Variants in JAZF1 observed in about 807,000 individuals in gnomAD.
JAZF1 encodes juxtaposed with another zinc finger protein 1.
Under a neutral mutation model 26.4 loss-of-function variants are expected in JAZF1, and 8 were observed. That is an observed-to-expected ratio of 0.30 (90% CI 0.18 to 0.55). The LOEUF (loss-of-function observed/expected upper bound fraction) is 0.55. Ranked by LOEUF, JAZF1 falls within the 20% of genes least tolerant of loss-of-function variation. JAZF1 has a pLI of 0.94. For missense variants in JAZF1, 199 were observed against 322.0 expected (o/e 0.62, Z 2.92); for synonymous variants, 126 against 122.3 (o/e 1.03, Z -0.20).
At chr7:28,037,157 AAGC>A (rs1183159064) in intron 1 of JAZF1, among the ~76,000 whole-genome samples, 2 of 152,164 alleles carry the variant, frequency 1.3e-5, no homozygotes, top group Non-Finnish European at 2.9e-5. Context: ...GGAAAAGAAA[AAGC>A]AGCAAGACTA....
intron 1 of JAZF1, among the ~76,000 whole-genome samples, chr7:28,003,930 T>C (rs1782652874): frequency 6.6e-6 from 1 of 152,102 alleles, no homozygotes; most frequent in Non-Finnish European, 1.5e-5. Context: ...TAATCAATAA[T>C]GGATATTTAC....
At chr7:28,104,842 G>A (rs1199812284) in intron 1 of JAZF1, among the ~76,000 whole-genome samples, 1 of 152,212 alleles carries the variant, frequency 6.6e-6, no homozygotes, top group African/African-American at 2.4e-5. Context: ...TCACCGAAGA[G>A]TGCAAACAGT....
chr7:28,091,508 C>T (rs894789347), intron 1 of JAZF1, among the ~76,000 whole-genome samples: 2 of 151,390 alleles, frequency 1.3e-5, no homozygotes, highest in East Asian at 1.9e-4. Context: ...AAAGAGAATA[C>T]AGTTTTACTT....
At chr7:27,866,700 T>A (rs187606080) in intron 3 of JAZF1, among the ~76,000 whole-genome samples, 43 of 152,354 alleles carry the variant, frequency 2.8e-4, no homozygotes, top group Middle Eastern at 6.8e-3. Flanking sequence ...CTATAATTAG[T>A]GGACTAAAAT....
At chr7:27,849,018 C>G (rs944894258) in intron 3 of JAZF1, among the ~76,000 whole-genome samples, 5 of 152,184 alleles carry the variant, frequency 3.3e-5, no homozygotes, top group African/African-American at 1.2e-4. Flanking sequence ...GAGGGGAAAG[C>G]TGGGGTGTGG....
At chr7:28,043,859 G>T (rs896742455) in intron 1 of JAZF1, among the ~76,000 whole-genome samples, 2 of 152,062 alleles carry the variant, frequency 1.3e-5, no homozygotes, top group African/African-American at 4.8e-5. Context: ...AAAACATTAT[G>T]TTAAGTGAAA....
At chr7:28,091,909 T>G (rs1784303482) in intron 1 of JAZF1, among the ~76,000 whole-genome samples, 1 of 152,122 alleles carries the variant, frequency 6.6e-6, no homozygotes. Context: ...GTCAAAACCT[T>G]GTAAAATCAA....
intron 1 of JAZF1, among the ~76,000 whole-genome samples, chr7:28,085,100 C>T (rs1166014169): frequency 6.6e-6 from 1 of 152,160 alleles, no homozygotes; most frequent in Non-Finnish European, 1.5e-5. Flanking sequence ...ATAAATTACC[C>T]AGTATCATGT....
At chr7:27,897,772 C>T (rs1268144982) in intron 2 of JAZF1, among the ~76,000 whole-genome samples, 2 of 152,180 alleles carry the variant, frequency 1.3e-5, no homozygotes, top group Admixed American at 1.3e-4. Flanking sequence ...ATAGCTTCCA[C>T]TCCTACCTCT....
chr7:27,846,992 G>A (rs1030254149), intron 3 of JAZF1, among the ~76,000 whole-genome samples: 15 of 151,722 alleles, frequency 9.9e-5, no homozygotes, highest in African/African-American at 3.6e-4. Flanking sequence ...TTTTTGAGAT[G>A]GAGTTTCACT....
chr7:28,125,635 A>T (rs2127939684), intron 1 of JAZF1, among the ~76,000 whole-genome samples: 1 of 152,316 alleles, frequency 6.6e-6, no homozygotes, highest in South Asian at 2.1e-4. Flanking sequence ...AAATCCCCTG[A>T]TTAACATCAT....
chr7:28,049,930 T>A (rs1204835552), intron 1 of JAZF1, among the ~76,000 whole-genome samples: 2 of 152,118 alleles, frequency 1.3e-5, no homozygotes, highest in Non-Finnish European at 2.9e-5. Flanking sequence ...GGAGGCTTCA[T>A]CACATCGGCA....
chr7:27,960,770 C>T (rs1385572942), intron 2 of JAZF1, among the ~76,000 whole-genome samples: 3 of 152,206 alleles, frequency 2.0e-5, no homozygotes, highest in African/African-American at 7.2e-5. Flanking sequence ...GTCCGTGAGG[C>T]TCCAACTCAT....
intron 3 of JAZF1, among the ~76,000 whole-genome samples, chr7:27,879,382 A>C (rs1318130698): frequency 6.6e-6 from 1 of 152,176 alleles, no homozygotes; most frequent in Non-Finnish European, 1.5e-5. Flanking sequence ...ATGACCTCAG[A>C]CTTATTAACA....
chr7:27,904,627 G>A (rs1450330820), intron 2 of JAZF1, among the ~76,000 whole-genome samples: 3 of 150,714 alleles, frequency 2.0e-5, no homozygotes, highest in African/African-American at 4.9e-5. Context: ...TGAGGCCCAC[G>A]GGGTGGATTT....
chr7:28,083,043 T>C (rs1387244972), intron 1 of JAZF1, among the ~76,000 whole-genome samples: 1 of 152,210 alleles, frequency 6.6e-6, no homozygotes, highest in African/African-American at 2.4e-5. Flanking sequence ...CCTTTGCTTC[T>C]GCTGTACTCG....
intron 3 of JAZF1, among the ~76,000 whole-genome samples, chr7:27,874,952 G>A (rs1405466758): frequency 7.0e-6 from 1 of 142,938 alleles, no homozygotes; most frequent in Non-Finnish European, 1.5e-5. Flanking sequence ...CGAGGTCCAG[G>A]CTCTATCCCT....
intron 1 of JAZF1, among the ~76,000 whole-genome samples, chr7:28,081,660 C>T (rs140086868): frequency 2.5e-3 from 375 of 152,152 alleles, no homozygotes; most frequent in Middle Eastern, 0.014. Context: ...CACCAGAGAG[C>T]GAAGTGGGAC....
chr7:28,121,613 G>T (rs1052860746), intron 1 of JAZF1, among the ~76,000 whole-genome samples: 2 of 152,182 alleles, frequency 1.3e-5, no homozygotes, highest in Admixed American at 6.5e-5. Flanking sequence ...GCTCAATACT[G>T]TTTCCTGGAT....
Sources: allele counts gnomAD v4.1 joint callset (sites outside exome capture counted in the v4.1 genomes callset), GRCh38; gene constraint gnomAD v4.1.1; transcripts MANE v1.5; gene names NCBI Gene and HGNC (gene_info 2026-07-23, HGNC 2026-07-21).